SCD5: variants seen among roughly 807,000 people sequenced by gnomAD.
SCD5 encodes acyl-CoA-desaturase 4.
In SCD5, 20 loss-of-function variants were observed where a neutral mutation model predicts 30.4. The observed-to-expected ratio is 0.66, with a 90% CI of 0.46 to 0.96. The LOEUF (loss-of-function observed/expected upper bound fraction) is 0.96, where lower values mean the gene tolerates loss of function less well. SCD5 is among the 40% of genes least tolerant of loss of function. The probability of loss-of-function intolerance (pLI) is 0.00; values close to 1 mark genes in which losing one functional copy is unlikely to be tolerated. For missense variants in SCD5, 381 were observed against 443.3 expected (o/e 0.86, Z 1.26); for synonymous variants, 173 against 176.4 (o/e 0.98, Z 0.16).
intron 1 of SCD5, among the ~76,000 whole-genome samples, chr4:82,798,080 T>TGGGGCGGGGGGGGGG (rs1436762424): frequency 3.9e-5 from 1 of 25,812 alleles, no homozygotes; most frequent in African/African-American, 1.0e-4. Flanking sequence ...CGCGGCGGGG[T>TGGGGCGGGGGGGGGG]GGGGGCGGGG....
intron 3 of SCD5, among the ~76,000 whole-genome samples, chr4:82,675,786 T>C (rs1461624143): frequency 6.6e-6 from 1 of 152,222 alleles, no homozygotes; most frequent in Non-Finnish European, 1.5e-5. Flanking sequence ...TGTTCATTAA[T>C]GGAGACAGAG....
chr4:82,797,183 T>C (rs983362258), intron 1 of SCD5, among the ~76,000 whole-genome samples: 12 of 152,190 alleles, frequency 7.9e-5, no homozygotes, highest in Non-Finnish European at 1.5e-4. Flanking sequence ...AAAAGCCCTG[T>C]AGAAAGAGGT....
At chr4:82,684,024 TAAGTG>T (rs1447142876) in intron 2 of SCD5, among the ~76,000 whole-genome samples, 8 of 152,344 alleles carry the variant, frequency 5.3e-5, no homozygotes, top group Non-Finnish European at 1.2e-4. Flanking sequence ...GTAGAAACTC[TAAGTG>T]AAGAGTTTCA....
rs113643629 is a variant in SCD5, at chr4:82,659,519, T to C, written c.569+21188A>G. Among the ~76,000 whole-genome samples the C allele has an allele frequency of 4.5e-3, 683 of 152,328 alleles. 6 individuals carry two copies. Among genetic ancestry groups the C allele is most frequent in the African/African-American group, 0.015 (640 of 41,570 alleles). On this transcript the variant is annotated intron_variant, in intron 3 of 4. Coordinates refer to ENST00000319540, the MANE Select transcript of SCD5 (RefSeq NM_001037582.3). Reference sequence around the variant, plus strand: ...TGGTTTAGCTGTGTCCCAGGGCTTCTGGTACATTGTGTCTTTGTTCTCATT... The same window carrying C: ...TGGTTTAGCTGTGTCCCAGGGCTTCCGGTACATTGTGTCTTTGTTCTCATT...
intron 3 of SCD5, among the ~76,000 whole-genome samples, chr4:82,666,331 C>T (rs148795657): frequency 2.6e-5 from 4 of 152,150 alleles, no homozygotes; most frequent in Non-Finnish European, 5.9e-5. Flanking sequence ...TACAGCCATA[C>T]ACTTTCCTTG....
At position 82,648,502 on chromosome 4, in the gene SCD5, G is replaced by A. The variant is rs553154260; in HGVS notation, c.570-11679C>T. ...GCCTAAGAGGTATCTCATGGCATGA[G>A]CATGATCTCGAGAAACAACAGTGGA... On this transcript the variant is annotated intron_variant, in intron 3 of 4. Transcript: ENST00000319540. Among the ~76,000 whole-genome samples the A allele has an allele frequency of 5.5e-5, 8 of 145,582 alleles. No homozygotes were observed. The East Asian group carries it at 1.6e-3, about 30-fold the overall frequency.
chr4:82,780,836 G>C (rs552986396), intron 1 of SCD5, among the ~76,000 whole-genome samples: 2 of 152,248 alleles, frequency 1.3e-5, no homozygotes, highest in Non-Finnish European at 2.9e-5. Context: ...CAGCCTGGAC[G>C]GCTGCTTCTC....
chr4:82,680,900 C>T lies in SCD5; in HGVS notation c.376G>A (p.Glu126Lys), dbSNP rs972881109. The T allele has an allele frequency of 1.4e-5, 22 of 1,607,836 alleles. No individual in the cohort carries two copies. The highest frequency in any genetic ancestry group is 1.7e-5 in the Non-Finnish European group (20 of 1,178,068). ...TGGGCTCGGTGGTCCCTGGACCACT[C>T]GAAGATGTCATTCTGCAGAGAGAAT... ...NSMAFQNDIF[E>K]WSRDHRAHHK... is the part of the protein sequence containing the mutation. Residue 126 changes from glutamate to lysine, a missense_variant, in exon 3 of 5, where the codon GAG becomes AAG. By Grantham distance (56) the Glu-to-Lys change is moderately conservative. Coordinates refer to ENST00000319540, the MANE Select transcript of SCD5 (RefSeq NM_001037582.3).
chr4:82,631,287 G>C lies in SCD5; in HGVS notation c.*40C>G. 6.3e-7 allele frequency: 1 copy of C among 1,586,982 alleles called. No individual in the cohort carries two copies. Among genetic ancestry groups the C allele is most frequent in the Non-Finnish European group, 8.6e-7 (1 of 1,161,074 alleles). On this transcript the variant is annotated 3_prime_UTR_variant, in exon 5 of 5. Transcript: ENST00000319540. The stretch of plus-strand genomic sequence containing the variant: ...GCTATTGTAACCAAAGCCATGAACC[G>C]AGGTTGCAACGGCAGACATGTGGGA...
At chr4:82,648,953 T>G (rs1467415301) in intron 3 of SCD5, among the ~76,000 whole-genome samples, 1 of 152,168 alleles carries the variant, frequency 6.6e-6, no homozygotes, top group Non-Finnish European at 1.5e-5. Context: ...GTTTCGAGGA[T>G]TCCATGCAAA....
intron 2 of SCD5, chr4:82,698,121 T>C (rs1320948183): frequency 4.4e-6 from 2 of 456,438 alleles, no homozygotes; most frequent in South Asian, 3.1e-5. Flanking sequence ...CACCCACCCA[T>C]CTTGAAAGGA....
intron 1 of SCD5, among the ~76,000 whole-genome samples, chr4:82,735,740 T>C (rs755388272): frequency 7.2e-5 from 11 of 152,246 alleles, no homozygotes; most frequent in Non-Finnish European, 1.5e-4. Context: ...AATGCATGTA[T>C]AGCTCACAGT....
At chr4:82,764,972 C>T (rs1225625834) in intron 1 of SCD5, among the ~76,000 whole-genome samples, 1 of 152,126 alleles carries the variant, frequency 6.6e-6, no homozygotes, top group Non-Finnish European at 1.5e-5. Flanking sequence ...GGTGATCCAC[C>T]CACCTTGGCC....
chr4:82,734,455 C>T (rs370963404), intron 1 of SCD5, among the ~76,000 whole-genome samples: 19 of 152,316 alleles, frequency 1.2e-4, no homozygotes, highest in Admixed American at 3.3e-4. Context: ...ATTTGTGCAG[C>T]TCCGAGATGC....
intron 3 of SCD5, among the ~76,000 whole-genome samples, chr4:82,667,904 TA>T (rs1406950174): frequency 6.6e-6 from 1 of 152,096 alleles, no homozygotes; most frequent in African/African-American, 2.4e-5. Flanking sequence ...TAACCAAAGA[TA>T]TACTGCCTCT....
chr4:82,707,281 TAAGCAAC>T, intron 1 of SCD5, among the ~76,000 whole-genome samples: 1 of 152,214 alleles, frequency 6.6e-6, no homozygotes, highest in Non-Finnish European at 1.5e-5. Flanking sequence ...GACAGAATTA[TAAGCAAC>T]AAACAAGTAT....
intron 1 of SCD5, among the ~76,000 whole-genome samples, chr4:82,739,598 C>T (rs770931256): frequency 4.6e-5 from 7 of 152,250 alleles, no homozygotes; most frequent in Non-Finnish European, 1.0e-4. Flanking sequence ...ACACAAAACT[C>T]ACCCCAACGA....
chr4:82,762,372 C>T (rs1173353492), intron 1 of SCD5, among the ~76,000 whole-genome samples: 4 of 152,042 alleles, frequency 2.6e-5, no homozygotes, highest in Admixed American at 2.6e-4. Flanking sequence ...CCTGCCTCAG[C>T]CTCCCAAGTA....
In SCD5 at chr4:82,774,928, C is replaced by T. The variant is rs545897033; in HGVS notation, c.232+23378G>A. Among the ~76,000 whole-genome samples, 159 of 152,298 alleles carry T rather than the reference C, an allele frequency of 1.0e-3. 1 individual carries two copies. Among genetic ancestry groups the T allele is most frequent in the Non-Finnish European group, 2.2e-4 (15 of 68,026 alleles). On this transcript the variant is annotated intron_variant, in intron 1 of 4. Coordinates refer to ENST00000319540, the MANE Select transcript of SCD5 (RefSeq NM_001037582.3). ...TTAAACCCATTCCCTGGAACTAATC[C>T]TGCCCTGCCTGACTGCCCTCAGCTC...
Sources: allele counts gnomAD v4.1 joint callset (sites outside exome capture counted in the v4.1 genomes callset), GRCh38; gene constraint gnomAD v4.1.1; transcripts MANE v1.5; gene names NCBI Gene and HGNC (gene_info 2026-07-23, HGNC 2026-07-21).